Variants in CDH11 observed in about 807,000 individuals in gnomAD.
The protein encoded by CDH11 is cadherin 11.
CDH11 carries 11 observed loss-of-function variants against 67.8 expected under a neutral mutation model. The observed-to-expected ratio is 0.16, with a 90% confidence interval of 0.10 to 0.27. The LOEUF (loss-of-function observed/expected upper bound fraction) is 0.27. CDH11 is among the 10% of genes least tolerant of loss of function. CDH11 has a pLI of 1.00. For synonymous variants in CDH11, 419 were observed against 400.0 expected (o/e 1.05, Z -0.57); for missense variants, 847 against 1,031.2 (o/e 0.82, Z 2.45).
chr16:65,111,000 T>G (rs2075147655), intron 1 of CDH11, among the ~76,000 whole-genome samples: 2 of 152,194 alleles, frequency 1.3e-5, no homozygotes. Context: ...AACAAGACTC[T>G]GTCCCTGCTC....
chr16:65,032,324 CAAAAAAA>C (rs35617108), intron 2 of CDH11, among the ~76,000 whole-genome samples: 1 of 109,396 alleles, frequency 9.1e-6, no homozygotes, highest in African/African-American at 3.2e-5. Context: ...CTGTCTCTCC[CAAAAAAA>C]AAAAAAAAAA....
intron 8 of CDH11, among the ~76,000 whole-genome samples, chr16:64,976,861 AC>A (rs1283503099): frequency 6.7e-6 from 1 of 149,536 alleles, no homozygotes; most frequent in South Asian, 2.2e-4. Flanking sequence ...AAACCAACCA[AC>A]CAACCAACCA....
At chr16:65,110,624 ATGTGTGTGTGTGTGTGTGTGTG>A (rs57316241) in intron 1 of CDH11, among the ~76,000 whole-genome samples, 15 of 135,918 alleles carry the variant, frequency 1.1e-4, no homozygotes, top group South Asian at 5.3e-4. Context: ...ATGGCCAATG[ATGTGTGTGTGTGTGTGTGTGTG>A]TGTGTGTGTG....
intron 11 of CDH11, among the ~76,000 whole-genome samples, chr16:64,953,869 A>C (rs1597009175): frequency 6.6e-6 from 1 of 152,216 alleles, no homozygotes; most frequent in African/African-American, 2.4e-5. Context: ...GATATGGGTG[A>C]CATGCCCAGC....
intron 8 of CDH11, among the ~76,000 whole-genome samples, chr16:64,973,363 A>G (rs2072065499): frequency 6.6e-6 from 1 of 152,232 alleles, no homozygotes; most frequent in East Asian, 1.9e-4. Flanking sequence ...GCATTTGGAA[A>G]GTGAGTTTGC....
Position 64,991,844 on chromosome 16 carries a change from C to T in CDH11, c.735G>A (p.Met245Ile). ...CTTTGGTTGTCCCTGAGAGTCCGCC[C>T]ATATGTCCACCCATGTCCTTGGCCT... ...VIQAKDMGGH[M>I]GGLSGTTKVT... Residue 245 changes from methionine to isoleucine, a missense_variant, in exon 6 of 13, where the codon ATG becomes ATA. Around this residue, in one of 2 missense-constraint regions of CDH11, gnomAD observed 235 missense variants for 352.5 expected, o/e 0.67. Transcript: ENST00000268603. The T allele has an allele frequency of 6.2e-7, 1 of 1,613,892 alleles. No homozygotes were observed. Among genetic ancestry groups the T allele is most frequent in the Non-Finnish European group, 8.5e-7 (1 of 1,179,844 alleles).
At chr16:64,989,825 T>C (rs2142486243) in intron 6 of CDH11, among the ~76,000 whole-genome samples, 1 of 152,322 alleles carries the variant, frequency 6.6e-6, no homozygotes. Context: ...CTTTCCTCTA[T>C]CATTTCCAAG....
Position 64,945,967 on chromosome 16 carries a change from T to C in CDH11, c.*1636A>G. 1 of 1,058,416 alleles carries C rather than the reference T, an allele frequency of 9.4e-7. No homozygotes were observed. The highest frequency in any genetic ancestry group is 1.1e-6 in the Non-Finnish European group (1 of 874,974). The allele number at this position is 1,058,416 out of a possible 1,614,324, so 65.6% of individuals were successfully genotyped here. ...TCTTTCCCCAAGTATTGCTACGTTTTGACCTTTGGCCCAACTGAACAGGTG... is the reference window on the plus strand; with the variant it reads ...TCTTTCCCCAAGTATTGCTACGTTTCGACCTTTGGCCCAACTGAACAGGTG... On this transcript the variant is annotated 3_prime_UTR_variant, in exon 13 of 13. Coordinates refer to ENST00000268603, the MANE Select transcript of CDH11 (RefSeq NM_001797.4).
chr16:65,004,837 C>T lies in CDH11; in HGVS notation c.33G>A (p.Leu11=). The change falls in exon 3 of 13, where the codon CTG becomes CTA. Residue 11 remains leucine (L), a synonymous_variant. Transcript: ENST00000268603. ...TGTGGCACAGCATGCCCAGGCACAC[C>T]AGGGCGGCTTGTAAACAGTAGTTCT... MKENYCLQAA[L]VCLGMLCHSH... 6.4e-7 allele frequency: 1 copy of T among 1,567,794 alleles called. No homozygotes were observed. The highest frequency in any genetic ancestry group is 8.6e-7 in the Non-Finnish European group (1 of 1,156,208).
chr16:65,121,768 C>G lies in CDH11; in HGVS notation c.-298+112G>C, dbSNP rs2075335074. ...GAAGCCTTCTCGACTCAGATACCAC[C>G]GTCCCCCTCACCACCCCGCCCCGCC... On this transcript the variant is annotated intron_variant, in intron 1 of 12. Transcript: ENST00000268603. The surrounding 1 kb of genome is among the most constrained non-coding windows in gnomAD (Gnocchi z 4.1). The G allele has an allele frequency of 1.0e-5, 7 of 697,708 alleles. No homozygotes were observed. Among genetic ancestry groups the G allele is most frequent in the Non-Finnish European group, 1.8e-5 (7 of 383,272 alleles). The allele number at this position is 697,708 out of a possible 1,614,324, so 43.2% of individuals were successfully genotyped here. A position where few individuals can be genotyped will look rare whatever the true frequency, so the allele number is the denominator to read the frequency against.
intron 2 of CDH11, among the ~76,000 whole-genome samples, chr16:65,029,731 T>A (rs2073605447): frequency 6.6e-6 from 1 of 152,202 alleles, no homozygotes; most frequent in South Asian, 2.1e-4. Flanking sequence ...AAATCGCTTG[T>A]CCTTATTCTA....
intron 2 of CDH11, among the ~76,000 whole-genome samples, chr16:65,014,726 C>T (rs563502466): frequency 2.0e-4 from 28 of 139,420 alleles, no homozygotes; most frequent in Admixed American, 1.5e-3. Context: ...CAGATGTAGA[C>T]GGTTTTAGGA....
intron 1 of CDH11, among the ~76,000 whole-genome samples, chr16:65,085,464 T>C (rs747543637): frequency 4.3e-4 from 66 of 152,332 alleles, no homozygotes; most frequent in Non-Finnish European, 4.3e-4. Context: ...TGTATATAAC[T>C]GAACTCTGAA....
At chr16:65,115,922 C>CT (rs2142894373) in intron 1 of CDH11, among the ~76,000 whole-genome samples, 1 of 152,164 alleles carries the variant, frequency 6.6e-6, no homozygotes, top group African/African-American at 2.4e-5. Context: ...GAGTGAGACT[C>CT]TGTCTCTAAA....
intron 1 of CDH11, among the ~76,000 whole-genome samples, chr16:65,093,756 A>G (rs2074835229): frequency 6.6e-6 from 1 of 152,200 alleles, no homozygotes; most frequent in Non-Finnish European, 1.5e-5. Flanking sequence ...AATAATCTGG[A>G]GAAGGATATG....
chr16:65,042,998 G>A (rs192670557), intron 2 of CDH11, among the ~76,000 whole-genome samples: 145 of 152,330 alleles, frequency 9.5e-4, no homozygotes, highest in African/African-American at 3.3e-3. Context: ...GGGCTCTGGT[G>A]ATGGGAGGCT....
At chr16:65,007,065 G>C (rs775598966) in intron 2 of CDH11, 5 of 152,176 alleles carry the variant, frequency 3.3e-5, no homozygotes, top group Non-Finnish European at 5.9e-5. Context: ...TGCGAATTGA[G>C]AACAAATAAG....
At chr16:64,986,451 C>G (rs2072489413) in intron 7 of CDH11, 1 of 151,900 alleles carries the variant, frequency 6.6e-6, no homozygotes, top group Non-Finnish European at 1.5e-5. Context: ...TGTGTTTATG[C>G]CCTGAATACA....
intron 11 of CDH11, among the ~76,000 whole-genome samples, chr16:64,965,407 T>C (rs1050977042): frequency 1.4e-4 from 21 of 151,772 alleles, no homozygotes; most frequent in African/African-American, 4.8e-4. Context: ...TGCTAAAAAC[T>C]AAGATGTAAA....
Sources: gnomAD v4.1 joint callset for allele counts (sites outside exome capture counted in the v4.1 genomes callset) on GRCh38, gnomAD v4.1.1 for gene constraint, gnomAD v4.1.1 regional missense constraint, Gnocchi (gnomAD v3.1) non-coding constraint, MANE v1.5 for transcripts, NCBI Gene and HGNC (gene_info 2026-07-23, HGNC 2026-07-21) for gene names.